UBE2R2: variants seen among roughly 807,000 people sequenced by gnomAD.
UBE2R2 encodes ubiquitin-conjugating enzyme E2 R2.
A neutral mutation model predicts 27.8 loss-of-function variants in UBE2R2; 1 was observed. That is an observed-to-expected ratio of 0.04 (90% CI 0.01 to 0.17). The LOEUF is 0.17. Ranked by LOEUF, UBE2R2 falls within the 10% of genes least tolerant of loss-of-function variation. UBE2R2 has a pLI of 1.00. For synonymous variants in UBE2R2, 106 were observed against 113.3 expected (o/e 0.94, Z 0.41); for missense variants, 100 against 291.0 (o/e 0.34, Z 4.78).
At chr9:33,820,109 A>G (rs1280807832) in intron 1 of UBE2R2, among the ~76,000 whole-genome samples, 1 of 151,436 alleles carries the variant, frequency 6.6e-6, no homozygotes, top group Non-Finnish European at 1.5e-5. Flanking sequence ...AAGAGCAAAC[A>G]AAACAAAACA....
chr9:33,900,234 C>T lies in UBE2R2; in HGVS notation c.325C>T (p.Leu109=), dbSNP rs1434212050. 6.2e-7 allele frequency: 1 copy of T among 1,613,310 alleles called. No individual in the cohort carries two copies. Among genetic ancestry groups the T allele is most frequent in the South Asian group, 1.1e-5 (1 of 91,054 alleles). The change falls in exon 3 of 5, where the codon CTG becomes TTG. Residue 109 remains leucine, a synonymous_variant. Coordinates refer to ENST00000263228, the MANE Select transcript of UBE2R2 (RefSeq NM_017811.4). ...TGTAGATGACCCACAGAGTGGAGAA[C>T]TGCCTTCTGAAAGGTGGAATCCTAC... is the stretch of plus-strand genomic sequence containing the variant. The part of the protein sequence containing the change: ...PPVDDPQSGE[L]PSERWNPTQN...
chr9:33,870,176 T>C (rs2130778845), intron 1 of UBE2R2, among the ~76,000 whole-genome samples: 1 of 147,056 alleles, frequency 6.8e-6, no homozygotes, highest in African/African-American at 2.5e-5. Flanking sequence ...CGAATCTCGC[T>C]TTGTCACCTA....
intron 1 of UBE2R2, among the ~76,000 whole-genome samples, chr9:33,830,558 G>A (rs1204789631): frequency 6.6e-6 from 1 of 151,136 alleles, no homozygotes; most frequent in Non-Finnish European, 1.5e-5. Flanking sequence ...CCTGAGGTCA[G>A]GAGTTCGAGA....
intron 1 of UBE2R2, among the ~76,000 whole-genome samples, chr9:33,861,119 C>T (rs1394195950): frequency 6.6e-6 from 1 of 151,336 alleles, no homozygotes; most frequent in Non-Finnish European, 1.5e-5. Context: ...CCACCACGCC[C>T]GGCCAATTTT....
intron 2 of UBE2R2, among the ~76,000 whole-genome samples, chr9:33,899,010 G>A (rs1444922655): frequency 6.6e-6 from 1 of 152,200 alleles, no homozygotes; most frequent in African/African-American, 2.4e-5. Context: ...CATACCTTGA[G>A]GATGTTAACA....
At chr9:33,906,887 C>T (rs1017174927) in intron 3 of UBE2R2, among the ~76,000 whole-genome samples, 7 of 152,078 alleles carry the variant, frequency 4.6e-5, no homozygotes, top group Admixed American at 6.6e-5. Context: ...AAAAATTAGC[C>T]AGGCATGGTA....
In UBE2R2 at chr9:33,826,586, T is replaced by C. The variant is rs1022977842; in HGVS notation, c.177+8652T>C. On this transcript the variant is annotated intron_variant, in intron 1 of 4. Transcript: ENST00000263228. ...GGTGGCACGTGCCTGTAGTTCCAGC[T>C]ACCCGGGAGGCTGAGGCAGGAGAAT... Among the ~76,000 whole-genome samples the C allele has an allele frequency of 3.3e-5, 5 of 151,566 alleles. No individual in the cohort carries two copies. The South Asian group carries it at 6.2e-4, about 19-fold the overall frequency.
chr9:33,825,663 C>G (rs761276589), intron 1 of UBE2R2, among the ~76,000 whole-genome samples: 1 of 152,072 alleles, frequency 6.6e-6, no homozygotes, highest in Non-Finnish European at 1.5e-5. Flanking sequence ...AGGAGACCAT[C>G]CAGCAAATTA....
At position 33,919,221 on chromosome 9, in the gene UBE2R2, TGTAA is replaced by T. The variant is rs1387874113; in HGVS notation, c.*1989_*1992del. 3 of 152,354 alleles carry T rather than the reference TGTAA, an allele frequency of 2.0e-5. No individual in the cohort carries two copies. Among genetic ancestry groups the T allele is most frequent in the Admixed American group, 1.3e-4 (2 of 15,298 alleles). The allele number at this position is 152,354 out of a possible 1,614,324, so 9.4% of individuals were successfully genotyped here. The stretch of plus-strand genomic sequence containing the variant: ...AACTACCTTTTTACTCCCCATACTT[TGTAA>T]GTAATGCTTCCAGATTAACCTGCAA... On this transcript the variant is annotated 3_prime_UTR_variant, in exon 5 of 5. Coordinates refer to ENST00000263228, the MANE Select transcript of UBE2R2 (RefSeq NM_017811.4).
intron 1 of UBE2R2, among the ~76,000 whole-genome samples, chr9:33,843,114 C>T (rs1820766801): frequency 7.2e-6 from 1 of 138,370 alleles, no homozygotes; most frequent in Admixed American, 7.9e-5. Context: ...GTGGCACGAT[C>T]TTGGCTCACT....
intron 1 of UBE2R2, among the ~76,000 whole-genome samples, chr9:33,836,271 C>T (rs898132413): frequency 6.6e-6 from 1 of 152,128 alleles, no homozygotes; most frequent in Non-Finnish European, 1.5e-5. Context: ...ACCATATAGC[C>T]TAGATGTGTA....
chr9:33,853,820 C>G (rs572499859), intron 1 of UBE2R2, among the ~76,000 whole-genome samples: 1 of 147,910 alleles, frequency 6.8e-6, no homozygotes, highest in African/African-American at 2.5e-5. Context: ...TCTCTGTCAC[C>G]CAGCTGGGAA....
intron 3 of UBE2R2, among the ~76,000 whole-genome samples, chr9:33,901,201 C>G (rs1222212803): frequency 6.6e-6 from 1 of 152,150 alleles, no homozygotes; most frequent in African/African-American, 2.4e-5. Context: ...TGTGCAATGT[C>G]CCCCAGTTGA....
At chr9:33,865,023 C>G (rs1023862750) in intron 1 of UBE2R2, among the ~76,000 whole-genome samples, 2 of 151,636 alleles carry the variant, frequency 1.3e-5, no homozygotes, top group African/African-American at 4.8e-5. Context: ...CACGCCCAGC[C>G]AACTTTTAAA....
rs995766645 is a variant in UBE2R2 at position 33,918,314 on chromosome 9, G to A, written c.*1077G>A. ...ATGTGTTAAGATTTCGGTTTTCATC[G>A]AGCTGCTTATACTGATAGTGAAAAA... On this transcript the variant is annotated 3_prime_UTR_variant, in exon 5 of 5. Transcript: ENST00000263228. 6.6e-6 allele frequency: 1 copy of A among 151,852 alleles called. No individual in the cohort carries two copies. Among genetic ancestry groups the A allele is most frequent in the Admixed American group, 6.6e-5 (1 of 15,226 alleles). 9.4% of individuals were successfully genotyped at this position (151,852 alleles called of 1,614,324 possible). A position where few individuals can be genotyped will look rare whatever the true frequency, so the allele number is the denominator to read the frequency against.
At chr9:33,859,797 TGTGAGAGAGA>T (rs894313597) in intron 1 of UBE2R2, among the ~76,000 whole-genome samples, 4 of 78,344 alleles carry the variant, frequency 5.1e-5, no homozygotes, top group African/African-American at 2.0e-4. Context: ...TGTGTGTGTG[TGTGAGAGAGA>T]GAGAGAGAGA....
chr9:33,915,954 G>C (rs765154350), intron 4 of UBE2R2, among the ~76,000 whole-genome samples: 3 of 152,174 alleles, frequency 2.0e-5, no homozygotes, highest in Admixed American at 1.3e-4. Flanking sequence ...GGCAGGGGAA[G>C]AGCAACTGGT....
At chr9:33,890,982 T>C (rs1198976788) in intron 2 of UBE2R2, among the ~76,000 whole-genome samples, 1 of 152,110 alleles carries the variant, frequency 6.6e-6, no homozygotes. Context: ...TTTGTGGTAA[T>C]AGAGATCTAG....
At chr9:33,874,724 T>C (rs1448386993) in intron 1 of UBE2R2, among the ~76,000 whole-genome samples, 2 of 152,142 alleles carry the variant, frequency 1.3e-5, no homozygotes, top group Non-Finnish European at 2.9e-5. Context: ...CATACTGGGG[T>C]GCAATGTCAG....
Sources: allele counts gnomAD v4.1 joint callset (sites outside exome capture counted in the v4.1 genomes callset), GRCh38; gene constraint gnomAD v4.1.1; transcripts MANE v1.5; gene names NCBI Gene and HGNC (gene_info 2026-07-23, HGNC 2026-07-21).